Variants in VPS39 observed in about 807,000 individuals in gnomAD.
The protein encoded by VPS39 is vam6/Vps39-like protein.
A neutral mutation model predicts 121.0 loss-of-function variants in VPS39; 70 were observed. That is an observed-to-expected ratio of 0.58 (90% confidence interval 0.48 to 0.71). VPS39 has a LOEUF of 0.71. VPS39 is among the 30% of genes least tolerant of loss of function. The pLI, the probability that VPS39 is intolerant of heterozygous loss-of-function variation, is 0.00. For synonymous variants in VPS39, 378 were observed against 398.1 expected (o/e 0.95, Z 0.60); for missense variants, 818 against 1,051.5 (o/e 0.78, Z 3.07).
chr15:42,181,179 CTTT>C (rs1232839164), intron 8 of VPS39, among the ~76,000 whole-genome samples: 1 of 151,960 alleles, frequency 6.6e-6, no homozygotes, highest in Non-Finnish European at 1.5e-5. Flanking sequence ...AATATTATTA[CTTT>C]TTTAAGTAAT....
chr15:42,201,085 C>A (rs896165826), intron 1 of VPS39, among the ~76,000 whole-genome samples: 15 of 152,138 alleles, frequency 9.9e-5, no homozygotes, highest in African/African-American at 3.6e-4. Context: ...TGAGTTTCTT[C>A]TGAAAGTGAT....
chr15:42,173,562 T>C, intron 11 of VPS39, 161 bp downstream of exon 11: 1 of 857,842 alleles, frequency 1.2e-6, no homozygotes, highest in East Asian at 2.6e-5. Flanking sequence ...TATAGATATG[T>C]AACCACTGTG....
At chr15:42,164,249 G>A in intron 19 of VPS39, 109 bp downstream of exon 19, 1 of 1,513,112 alleles carries the variant, frequency 6.6e-7, no homozygotes, top group Middle Eastern at 1.8e-4. Flanking sequence ...GAAATGCCTG[G>A]TTTTTCCAGG....
Position 42,167,391 on chromosome 15 carries a change from C to G in VPS39, c.1377+3G>C, listed in dbSNP as rs780047164. On this transcript the variant is annotated splice_donor_region_variant and intron_variant, in intron 13 of 24. Coordinates refer to ENST00000318006, the MANE Select transcript of VPS39 (RefSeq NM_015289.5). ...GTGGCACCCGAGCGCTCAGGTAACT[C>G]ACATGGAGATAGCACTTGAGCAGGG... 6.2e-7 allele frequency: 1 copy of G among 1,614,054 alleles called. No homozygotes were observed. Among genetic ancestry groups the G allele is most frequent in the African/African-American group, 1.3e-5 (1 of 75,024 alleles).
At chr15:42,180,257 T>G (rs1439388179) in intron 8 of VPS39, among the ~76,000 whole-genome samples, 1 of 152,230 alleles carries the variant, frequency 6.6e-6, no homozygotes, top group African/African-American at 2.4e-5. Flanking sequence ...GTCTTAAAAT[T>G]GTTTTCCTCT....
At chr15:42,163,882 GT>G (rs1034238435) in intron 19 of VPS39, among the ~76,000 whole-genome samples, 154 bp from the exon 20 acceptor site, 2 of 152,066 alleles carry the variant, frequency 1.3e-5, no homozygotes, top group African/African-American at 4.8e-5. Flanking sequence ...AATAACTGAA[GT>G]TTAAAAAAGG....
rs558852274 is a variant in VPS39, at chr15:42,162,326, C to T, written c.2325+6G>A. On this transcript the variant is annotated splice_donor_region_variant and intron_variant, in intron 22 of 24. Coordinates refer to ENST00000318006, the MANE Select transcript of VPS39 (RefSeq NM_015289.5). ...ACCCTCCATCTCCCTAGGAACAACT[C>T]CTGACCTTGGTGGTGTCCAGTTTGC... The T allele has an allele frequency of 2.5e-6, 4 of 1,607,316 alleles. No homozygotes were observed. Among genetic ancestry groups the T allele is most frequent in the East Asian group, 4.5e-5 (2 of 44,750 alleles).
rs147167948 is a variant in VPS39 at position 42,167,139 on chromosome 15, C to T, written c.1378-226G>A. Among the ~76,000 whole-genome samples, 469 of 152,328 alleles carry T rather than the reference C, an allele frequency of 3.1e-3. 1 individual carries two copies. Among genetic ancestry groups the T allele is most frequent in the South Asian group, 0.016 (78 of 4,820 alleles). On this transcript the variant is annotated intron_variant, in intron 13 of 24. Coordinates refer to ENST00000318006, the MANE Select transcript of VPS39 (RefSeq NM_015289.5). ...GAACATTTCTTGAAGGAAATACTGT[C>T]CCAGCTGACTTTGTAGCACTAACTG... is the stretch of plus-strand genomic sequence containing the variant.
In VPS39 at chr15:42,178,338, T is replaced by C; in HGVS notation, c.840A>G (p.Gly280=). 6.2e-7 allele frequency: 1 copy of C among 1,614,188 alleles called. No individual in the cohort carries two copies. The highest frequency in any genetic ancestry group is 8.5e-7 in the Non-Finnish European group (1 of 1,180,032). The change falls in exon 10 of 25, where the codon GGA becomes GGG. Residue 280 remains glycine (G), a splice_region_variant and synonymous_variant. Coordinates refer to ENST00000318006, the MANE Select transcript of VPS39 (RefSeq NM_015289.5). ...TGCTGGCCACATAGATAATGTTTGA[T>C]CTGGAAGCAAGAGTAAGAATATTAG... is the stretch of plus-strand genomic sequence containing the variant. ...LQRPRFITSG[G]SNIIYVASNH...
intron 11 of VPS39, among the ~76,000 whole-genome samples, chr15:42,172,468 C>T (rs1466749562): frequency 6.6e-6 from 1 of 152,232 alleles, no homozygotes; most frequent in African/African-American, 2.4e-5. Context: ...TGACCCCTTC[C>T]CAAACTCCGG....
intron 2 of VPS39, among the ~76,000 whole-genome samples, chr15:42,195,819 A>G (rs1188114430): frequency 7.2e-5 from 11 of 152,224 alleles, no homozygotes; most frequent in Admixed American, 7.2e-4. Flanking sequence ...GGAAAAAACT[A>G]CTTTAAAGTT....
intron 11 of VPS39, among the ~76,000 whole-genome samples, chr15:42,172,467 C>T (rs1357180875): frequency 6.6e-6 from 1 of 152,248 alleles, no homozygotes; most frequent in Non-Finnish European, 1.5e-5. Context: ...CTGACCCCTT[C>T]CCAAACTCCG....
chr15:42,200,040 C>T, intron 1 of VPS39, 79 bp from the exon 2 acceptor site: 3 of 1,346,392 alleles, frequency 2.2e-6, no homozygotes, highest in Non-Finnish European at 1.9e-6. Context: ...GAGTATAACC[C>T]TATTTTTTTA....
intron 2 of VPS39, among the ~76,000 whole-genome samples, chr15:42,192,509 T>C (rs1471739819): frequency 1.3e-5 from 2 of 152,062 alleles, no homozygotes; most frequent in African/African-American, 4.8e-5. Context: ...CCTGAGTTGT[T>C]CCCCACAGCT....
At chr15:42,179,310 C>T (rs890917252) in intron 8 of VPS39, among the ~76,000 whole-genome samples, 1 of 151,976 alleles carries the variant, frequency 6.6e-6, no homozygotes, top group Non-Finnish European at 1.5e-5. Context: ...TGGCTCACGC[C>T]TGTAATCCTA....
intron 8 of VPS39, 44 bp from the exon 9 acceptor site, chr15:42,178,614 T>G: frequency 6.2e-7 from 1 of 1,609,416 alleles, no homozygotes; most frequent in Non-Finnish European, 8.5e-7. Flanking sequence ...GTCTAAGGCT[T>G]TGGGTTTATG....
In VPS39 at chr15:42,163,755, C is replaced by A. The variant is rs772103752; in HGVS notation, c.2027-27G>T. On this transcript the variant is annotated intron_variant, in intron 19 of 24. Transcript: ENST00000318006. The stretch of plus-strand genomic sequence containing the variant: ...TAGGAGGAAAAGGAATATGAGGAAC[C>A]ACTGCCGCCATCACGCAAGCACAAG... 6 of 1,555,084 alleles carry A rather than the reference C, an allele frequency of 3.9e-6. No individual in the cohort carries two copies. In the African/African-American group the frequency reaches 5.5e-5, roughly 14 times the overall value.
intron 10 of VPS39, 124 bp downstream of exon 10, chr15:42,178,094 C>A: frequency 7.4e-7 from 1 of 1,347,358 alleles, no homozygotes; most frequent in Non-Finnish European, 1.0e-6. Context: ...ACCTAGTATT[C>A]AAGGCCCTGG....
chr15:42,187,900 T>C, intron 5 of VPS39, 44 bp from the exon 6 acceptor site: 3 of 1,550,046 alleles, frequency 1.9e-6, no homozygotes, highest in Non-Finnish European at 1.8e-6. Context: ...AATGACTCTC[T>C]CTAACTGAGT....
Sources: allele counts gnomAD v4.1 joint callset (sites outside exome capture counted in the v4.1 genomes callset), GRCh38; gene constraint gnomAD v4.1.1; transcripts MANE v1.5; gene names NCBI Gene and HGNC (gene_info 2026-07-23, HGNC 2026-07-21).